CSMD1: variants seen among roughly 807,000 people sequenced by gnomAD.
CSMD1 encodes the protein CUB and Sushi multiple domains 1.
A neutral mutation model predicts 417.5 loss-of-function variants in CSMD1; 213 were observed. The observed-to-expected ratio is 0.51, with a 90% CI of 0.46 to 0.57. The LOEUF (loss-of-function observed/expected upper bound fraction) is 0.57. Among genes scored for constraint, CSMD1 ranks in the 20% least tolerant of loss-of-function variants. CSMD1 has a pLI of 0.00. For missense variants in CSMD1, 6,923 were observed against 4,529.7 expected (o/e 1.53, Z -15.17); for synonymous variants, 2,862 against 1,736.8 (o/e 1.65, Z -16.11).
intron 36 of CSMD1, among the ~76,000 whole-genome samples, chr8:3,182,803 G>C (rs1234387703): frequency 8.9e-6 from 1 of 112,148 alleles, no homozygotes; most frequent in Non-Finnish European, 1.7e-5. Flanking sequence ...TGTTAGCCAG[G>C]ATGGTCTCGG....
At chr8:4,819,138 C>A (rs1477680555) in intron 1 of CSMD1, among the ~76,000 whole-genome samples, 1 of 152,192 alleles carries the variant, frequency 6.6e-6, no homozygotes, top group Non-Finnish European at 1.5e-5. Flanking sequence ...GCAGCTCATG[C>A]GTCCTTCTGC....
intron 3 of CSMD1, among the ~76,000 whole-genome samples, chr8:4,233,963 T>G (rs577443336): frequency 7.3e-6 from 1 of 137,138 alleles, no homozygotes; most frequent in East Asian, 2.4e-4. Flanking sequence ...GAGCTTAAGG[T>G]AAAACGGCGG....
At chr8:4,895,421 G>A (rs1206577418) in intron 1 of CSMD1, among the ~76,000 whole-genome samples, 4 of 152,080 alleles carry the variant, frequency 2.6e-5, no homozygotes, top group African/African-American at 7.2e-5. Context: ...CAAAGCCTGA[G>A]TAAATTTCAT....
intron 17 of CSMD1, among the ~76,000 whole-genome samples, chr8:3,395,320 T>G (rs1184274998): frequency 6.6e-6 from 1 of 152,230 alleles, no homozygotes; most frequent in Admixed American, 6.5e-5. Flanking sequence ...TTCTCGCTTT[T>G]TCCGTGCTAC....
chr8:3,779,669 T>C (rs1344849935), intron 5 of CSMD1, among the ~76,000 whole-genome samples: 2 of 152,198 alleles, frequency 1.3e-5, no homozygotes, highest in Non-Finnish European at 2.9e-5. Flanking sequence ...TGATATGACA[T>C]TTAAAATATA....
chr8:4,849,690 C>T lies in CSMD1; in HGVS notation c.85+144642G>A, dbSNP rs145934029. Among the ~76,000 whole-genome samples, 115 of 152,232 alleles carry T rather than the reference C, an allele frequency of 7.6e-4. 2 individuals carry two copies. The highest frequency in any genetic ancestry group is 2.4e-3 in the African/African-American group (98 of 41,544). On this transcript the variant is annotated intron_variant, in intron 1 of 69. Coordinates refer to ENST00000635120, the MANE Select transcript of CSMD1 (RefSeq NM_033225.6). Reference sequence around the variant, plus strand: ...CCATATTATTTAGTGCAGTAACATGCTGTACAGATTTGAAGCTTAGGGGCA... The same window carrying T: ...CCATATTATTTAGTGCAGTAACATGTTGTACAGATTTGAAGCTTAGGGGCA...
intron 2 of CSMD1, among the ~76,000 whole-genome samples, chr8:4,481,683 C>G (rs1052297218): frequency 1.3e-5 from 2 of 152,160 alleles, no homozygotes; most frequent in African/African-American, 4.8e-5. Context: ...GTAAATGCTT[C>G]AGGACTCAGT....
chr8:4,726,343 TGAAA>T (rs1454027127), intron 1 of CSMD1, among the ~76,000 whole-genome samples: 3 of 151,858 alleles, frequency 2.0e-5, no homozygotes, highest in Non-Finnish European at 3.0e-5. Flanking sequence ...TTTGTATTCC[TGAAA>T]GATAGTTATT....
chr8:4,990,989 CT>C (rs1211339449), intron 1 of CSMD1, among the ~76,000 whole-genome samples: 1 of 152,136 alleles, frequency 6.6e-6, no homozygotes, highest in African/African-American at 2.4e-5. Flanking sequence ...CCACCTTTCT[CT>C]TTCGGGCTTC....
At chr8:2,999,913 G>A in intron 53 of CSMD1, 45 bp downstream of exon 53, 2 of 1,533,884 alleles carry the variant, frequency 1.3e-6, no homozygotes, top group Non-Finnish European at 8.9e-7. Flanking sequence ...AGACAATGTG[G>A]CAAAAGGAAG....
chr8:3,839,100 C>G (rs1310835014), intron 5 of CSMD1, among the ~76,000 whole-genome samples: 2 of 104,184 alleles, frequency 1.9e-5, no homozygotes, highest in African/African-American at 7.1e-5. Context: ...TATAATATAG[C>G]CTATATATAT....
intron 1 of CSMD1, among the ~76,000 whole-genome samples, chr8:4,853,598 G>C (rs1026739775): frequency 7.9e-5 from 12 of 152,188 alleles, no homozygotes; most frequent in African/African-American, 2.4e-4. Flanking sequence ...TATTTGAATA[G>C]GGCAGTGCCA....
At chr8:4,190,059 C>G (rs1798923437) in intron 3 of CSMD1, among the ~76,000 whole-genome samples, 2 of 151,630 alleles carry the variant, frequency 1.3e-5, no homozygotes, top group Admixed American at 1.3e-4. Context: ...GAGATCGAGA[C>G]CATCCTGGCT....
chr8:3,091,443 T>G, intron 48 of CSMD1, 73 bp downstream of exon 48: 1 of 1,130,802 alleles, frequency 8.8e-7, no homozygotes, highest in East Asian at 2.7e-5. Flanking sequence ...AATTTCTATT[T>G]AAATTGTTTT....
intron 3 of CSMD1, among the ~76,000 whole-genome samples, chr8:4,110,309 T>C (rs543551023): frequency 6.6e-6 from 1 of 152,240 alleles, no homozygotes; most frequent in Admixed American, 6.5e-5. Context: ...TATCCACCAT[T>C]TCCCAGGAAC....
chr8:3,461,760 A>T (rs1421670043), intron 12 of CSMD1, among the ~76,000 whole-genome samples: 1 of 152,326 alleles, frequency 6.6e-6, no homozygotes, highest in East Asian at 1.9e-4. Context: ...GACAATACAG[A>T]TGAGTGGGAC....
intron 5 of CSMD1, among the ~76,000 whole-genome samples, chr8:3,838,298 A>C (rs1016242769): frequency 2.6e-5 from 4 of 151,986 alleles, no homozygotes; most frequent in African/African-American, 9.7e-5. Context: ...ACACTTTGGG[A>C]GGCAAGGCAG....
chr8:4,368,061 T>A (rs1268490922), intron 3 of CSMD1, among the ~76,000 whole-genome samples: 1 of 152,180 alleles, frequency 6.6e-6, no homozygotes, highest in Non-Finnish European at 1.5e-5. Context: ...TGAATAGTGG[T>A]CAAAGTGCGC....
intron 5 of CSMD1, among the ~76,000 whole-genome samples, chr8:3,922,609 G>C (rs187969581): frequency 1.3e-5 from 2 of 152,222 alleles, no homozygotes; most frequent in Admixed American, 1.3e-4. Context: ...GGTTAAAGCA[G>C]TCTATTTTGT....
Sources: gnomAD v4.1 joint callset for allele counts (sites outside exome capture counted in the v4.1 genomes callset) on GRCh38, gnomAD v4.1.1 for gene constraint, MANE v1.5 for transcripts, NCBI Gene and HGNC (gene_info 2026-07-23, HGNC 2026-07-21) for gene names.